The following SEZ6L variants were observed in gnomAD, a reference collection of about 807,000 sequenced individuals.
SEZ6L encodes seizure 6-like protein.
A neutral mutation model predicts 106.2 loss-of-function variants in SEZ6L; 37 were observed. That is an observed-to-expected ratio of 0.35 (90% CI 0.27 to 0.46). The LOEUF (loss-of-function observed/expected upper bound fraction) is 0.46. SEZ6L is among the 20% of genes least tolerant of loss of function. The pLI is 1.00. For synonymous variants in SEZ6L, 541 were observed against 570.4 expected (o/e 0.95, Z 0.73); for missense variants, 1,172 against 1,332.8 (o/e 0.88, Z 1.88).
chr22:26,334,365 A>G (rs777146977), intron 9 of SEZ6L, among the ~76,000 whole-genome samples: 3 of 152,122 alleles, frequency 2.0e-5, no homozygotes, highest in Non-Finnish European at 4.4e-5. Flanking sequence ...TTCCTTATAA[A>G]TGGAGTGATT....
At chr22:26,303,975 C>A (rs2081532101) in intron 5 of SEZ6L, among the ~76,000 whole-genome samples, 1 of 152,080 alleles carries the variant, frequency 6.6e-6, no homozygotes. Context: ...CAATCGTGGC[C>A]CTGGGCTATT....
intron 3 of SEZ6L, among the ~76,000 whole-genome samples, chr22:26,294,745 C>CACAA (rs1201904782): frequency 6.6e-6 from 1 of 151,860 alleles, no homozygotes; most frequent in East Asian, 1.9e-4. Context: ...CACACACACA[C>CACAA]ACACACACAC....
At chr22:26,225,358 C>T (rs1198270634) in intron 1 of SEZ6L, among the ~76,000 whole-genome samples, 1 of 152,192 alleles carries the variant, frequency 6.6e-6, no homozygotes. Flanking sequence ...GCCAAGCCAG[C>T]TCTTGCTCCT....
Position 26,383,385 on chromosome 22 carries a change from A to G in SEZ6L, c.*3090A>G, listed in dbSNP as rs896386613. The G allele has an allele frequency of 5.9e-5, 9 of 151,942 alleles. No individual in the cohort carries two copies. Among genetic ancestry groups the G allele is most frequent in the African/African-American group, 1.7e-4 (7 of 41,358 alleles). 9.4% of individuals were successfully genotyped at this position (151,942 alleles called of 1,614,324 possible). Reference sequence around the variant, plus strand: ...TGAATCCGAAGGGCATGATCTTCCTATGTCCTTGACTAGGCATGACGAGTC... The same window carrying G: ...TGAATCCGAAGGGCATGATCTTCCTGTGTCCTTGACTAGGCATGACGAGTC... On this transcript the variant is annotated 3_prime_UTR_variant, in exon 17 of 17. Transcript: ENST00000248933.
At chr22:26,189,352 T>C (rs1940018203) in intron 1 of SEZ6L, among the ~76,000 whole-genome samples, 1 of 152,208 alleles carries the variant, frequency 6.6e-6, no homozygotes, top group African/African-American at 2.4e-5. Context: ...AAAGACTCTT[T>C]CCACAATGCT....
chr22:26,341,303 A>C (rs2082827873), intron 10 of SEZ6L, among the ~76,000 whole-genome samples: 1 of 151,998 alleles, frequency 6.6e-6, no homozygotes, highest in African/African-American at 2.4e-5. Context: ...AATTCAAGCT[A>C]AGCTCACACA....
chr22:26,314,369 C>G (rs2081939013), intron 9 of SEZ6L, among the ~76,000 whole-genome samples: 1 of 152,144 alleles, frequency 6.6e-6, no homozygotes, highest in South Asian at 2.1e-4. Context: ...TGTGCAAAGG[C>G]CCTGTGGCAA....
At chr22:26,339,765 G>A (rs2082765123) in intron 9 of SEZ6L, among the ~76,000 whole-genome samples, 1 of 152,202 alleles carries the variant, frequency 6.6e-6, no homozygotes, top group Admixed American at 6.5e-5. Flanking sequence ...CACTGAAGAA[G>A]AATGAAAGAT....
intron 1 of SEZ6L, among the ~76,000 whole-genome samples, chr22:26,282,090 A>G (rs1463972946): frequency 2.6e-5 from 4 of 152,236 alleles, no homozygotes; most frequent in Non-Finnish European, 5.9e-5. Context: ...ATGGGCAAAC[A>G]TCTCTCTGTA....
At chr22:26,282,654 T>C (rs948351545) in intron 1 of SEZ6L, among the ~76,000 whole-genome samples, 5 of 152,182 alleles carry the variant, frequency 3.3e-5, no homozygotes, top group African/African-American at 1.2e-4. Context: ...AAGCGGCATC[T>C]AGAGAAAGCT....
intron 5 of SEZ6L, among the ~76,000 whole-genome samples, chr22:26,301,563 TCA>T (rs1010955902): frequency 1.1e-4 from 17 of 152,246 alleles, no homozygotes; most frequent in Admixed American, 2.0e-4. Context: ...GGAGAGGACA[TCA>T]GTTATTGTGA....
chr22:26,247,654 A>G (rs946629977), intron 1 of SEZ6L, among the ~76,000 whole-genome samples: 5 of 152,158 alleles, frequency 3.3e-5, no homozygotes, highest in Middle Eastern at 6.8e-3. Context: ...CCCTCCTGAC[A>G]CTCTGATCTT....
At chr22:26,187,670 A>G (rs969595255) in intron 1 of SEZ6L, among the ~76,000 whole-genome samples, 2 of 152,202 alleles carry the variant, frequency 1.3e-5, no homozygotes, top group African/African-American at 4.8e-5. Flanking sequence ...GAGGAAAAGA[A>G]TATAAATTTG....
At chr22:26,216,494 A>G (rs2078303054) in intron 1 of SEZ6L, among the ~76,000 whole-genome samples, 1 of 152,110 alleles carries the variant, frequency 6.6e-6, no homozygotes, top group South Asian at 2.1e-4. Context: ...TGTCTCCACT[A>G]AAAGTACAGT....
At chr22:26,203,909 T>C (rs6004957) in intron 1 of SEZ6L, among the ~76,000 whole-genome samples, 2,226 of 152,194 alleles carry the variant, frequency 0.015, 53 homozygotes, top group African/African-American at 0.051. Flanking sequence ...AAGGTGATGT[T>C]TCAACTTTTA....
At chr22:26,347,631 T>C (rs1403213811) in intron 10 of SEZ6L, 88 bp from the exon 11 acceptor site, 2 of 1,124,250 alleles carry the variant, frequency 1.8e-6, no homozygotes. Flanking sequence ...CTTTTTTTTC[T>C]CTTCGCTCAT....
intron 6 of SEZ6L, among the ~76,000 whole-genome samples, chr22:26,309,988 C>G (rs2081765474): frequency 6.6e-6 from 1 of 152,226 alleles, no homozygotes; most frequent in Non-Finnish European, 1.5e-5. Flanking sequence ...AGAGTCAGGA[C>G]TCACACCCAG....
chr22:26,285,689 C>G (rs1461955228), intron 1 of SEZ6L, among the ~76,000 whole-genome samples: 1 of 152,166 alleles, frequency 6.6e-6, no homozygotes, highest in African/African-American at 2.4e-5. Flanking sequence ...AGAGCAGCTT[C>G]TGTCACCCAG....
chr22:26,316,905 G>GAAAGAAAGAAAGAAAGAAAGAAAGAA (rs1556343131), intron 9 of SEZ6L, among the ~76,000 whole-genome samples: 12 of 60,990 alleles, frequency 2.0e-4, no homozygotes, highest in Non-Finnish European at 1.8e-4. Flanking sequence ...AAAGAAAGAA[G>GAAAGAAAGAAAGAAAGAAAGAAAGAA]AAAGAAAGAA....
Sources: gnomAD v4.1 joint callset for allele counts (sites outside exome capture counted in the v4.1 genomes callset) on GRCh38, gnomAD v4.1.1 for gene constraint, MANE v1.5 for transcripts, NCBI Gene and HGNC (gene_info 2026-07-23, HGNC 2026-07-21) for gene names.